The following ONECUT3 variants were observed in gnomAD, a reference collection of about 807,000 sequenced individuals.
The protein encoded by ONECUT3 is one cut domain family member 3.
Under a neutral mutation model 16.8 loss-of-function variants are expected in ONECUT3, and 11 were observed. The ratio of observed to expected loss-of-function variants is 0.66; its 90% CI spans 0.41 to 1.09. ONECUT3 has a LOEUF of 1.09. ONECUT3 is among the 50% of genes least tolerant of loss of function. ONECUT3 has a pLI of 0.00. For missense variants in ONECUT3, 637 were observed against 629.9 expected (o/e 1.01, Z -0.12); for synonymous variants, 344 against 310.7 (o/e 1.11, Z -1.13).
At chr19:1,774,264 G>A (rs1166214866) in intron 1 of ONECUT3, among the ~76,000 whole-genome samples, 1 of 152,062 alleles carries the variant, frequency 6.6e-6, no homozygotes, top group Non-Finnish European at 1.5e-5. Flanking sequence ...TTACAGGAGT[G>A]TCGCTGCTGC....
At chr19:1,769,673 GC>G (rs1314255286) in intron 1 of ONECUT3, among the ~76,000 whole-genome samples, 30 of 151,930 alleles carry the variant, frequency 2.0e-4, no homozygotes, top group Admixed American at 2.0e-3. Context: ...CATCCAGGCG[GC>G]CCCCCTACTC....
In ONECUT3 at chr19:1,777,394, G is replaced by C. The variant is rs533398185; in HGVS notation, c.*1949G>C. On this transcript the variant is annotated 3_prime_UTR_variant, in exon 2 of 2. Coordinates refer to ENST00000382349, the MANE Select transcript of ONECUT3 (RefSeq NM_001080488.2). ...CACACATGCAGAGACATGCAGACAC[G>C]CAGGCACACATGCACACATGCAAAG... 2.6e-5 allele frequency: 4 copies of C among 151,546 alleles called. No homozygotes were observed. Among genetic ancestry groups the C allele is most frequent in the Admixed American group, 1.3e-4 (2 of 15,198 alleles). The allele number at this position is 151,546 out of a possible 1,614,324, so 9.4% of individuals were successfully genotyped here.
rs1276818493 is a variant in ONECUT3 at position 1,778,008 on chromosome 19, A to AC, written c.*2563_*2564insC. The AC allele has an allele frequency of 2.0e-5, 3 of 151,634 alleles. No homozygotes were observed. Among genetic ancestry groups the AC allele is most frequent in the Non-Finnish European group, 4.4e-5 (3 of 67,924 alleles). 9.4% of individuals were successfully genotyped at this position (151,634 alleles called of 1,614,324 possible). A position where few individuals can be genotyped will look rare whatever the true frequency, so the allele number is the denominator to read the frequency against. On this transcript the variant is annotated 3_prime_UTR_variant, in exon 2 of 2. Transcript: ENST00000382349. ...AAAACTCCCTCTCAAAAAAAAAAAA[A>AC]AAAAAAAAAACTTTAGGTCCAAGAA...
chr19:1,754,382 G>A lies in ONECUT3; in HGVS notation c.720G>A (p.Leu240=), dbSNP rs1351710833. The change falls in exon 1 of 2, where the codon CTG becomes CTA. Residue 240 remains leucine, a synonymous_variant. Transcript: ENST00000382349. This position sits in a 1 kb window ranked among gnomAD's most constrained non-coding sequence, Gnocchi z 7.4. ...GCCACCTGGCTGGGGACAAGCTGCT[G>A]CCGCCCGCCGCCTTCGAGCCGCACG... ...PPGHLAGDKL[L]PPAAFEPHAA... is the part of the protein sequence containing the mutation. 9.1e-7 allele frequency: 1 copy of A among 1,100,764 alleles called. No individual in the cohort carries two copies. Among genetic ancestry groups the A allele is most frequent in the Admixed American group, 4.0e-5 (1 of 25,260 alleles). The allele number at this position is 1,100,764 out of a possible 1,614,324, so 68.2% of individuals were successfully genotyped here.
Position 1,778,912 on chromosome 19 carries a change from A to ACACACACACACACC in ONECUT3, c.*3468_*3469insACACACACACACCC, listed in dbSNP as rs1491103429. 1 of 129,534 alleles carries ACACACACACACACC rather than the reference A, an allele frequency of 7.7e-6. No homozygotes were observed. The highest frequency in any genetic ancestry group is 1.6e-5 in the Non-Finnish European group (1 of 60,828). 8.0% of individuals were successfully genotyped at this position (129,534 alleles called of 1,614,324 possible). A position where few individuals can be genotyped will look rare whatever the true frequency, so the allele number is the denominator to read the frequency against. ...CACACACACACACACACACACACAC[A>ACACACACACACACC]CCCCTACCTGTTTCCGGACCCCACC... On this transcript the variant is annotated 3_prime_UTR_variant, in exon 2 of 2. Coordinates refer to ENST00000382349, the MANE Select transcript of ONECUT3 (RefSeq NM_001080488.2).
chr19:1,758,430 C>T lies in ONECUT3; in HGVS notation c.1192+3576C>T, dbSNP rs2067929365. Among the ~76,000 whole-genome samples the T allele has an allele frequency of 2.6e-5, 4 of 151,960 alleles. No individual in the cohort carries two copies. The South Asian group carries it at 8.3e-4, about 32-fold the overall frequency. On this transcript the variant is annotated intron_variant, in intron 1 of 1. Coordinates refer to ENST00000382349, the MANE Select transcript of ONECUT3 (RefSeq NM_001080488.2). This position sits in a 1 kb window ranked among gnomAD's most constrained non-coding sequence, Gnocchi z 5.9. ...CCTCCTTCTTCCCCATGGGGTAGGACTTGGGAGAGGGGAATAGGTGTTTTC... is the reference window on the plus strand; with the variant it reads ...CCTCCTTCTTCCCCATGGGGTAGGATTTGGGAGAGGGGAATAGGTGTTTTC...
Position 1,754,275 on chromosome 19 carries a change from G to T in ONECUT3, c.613G>T (p.Ala205Ser). Residue 205 changes from alanine to serine, a missense_variant, in exon 1 of 2, where the codon GCG becomes TCG. Physicochemically the swap from Ala to Ser is moderately conservative, Grantham distance 99 (BLOSUM62 1). Coordinates refer to ENST00000382349, the MANE Select transcript of ONECUT3 (RefSeq NM_001080488.2). The surrounding 1 kb of genome is among the most constrained non-coding windows in gnomAD (Gnocchi z 7.4). ...GTCGCCGCTGTCGCCGCTGCCCAAC[G>T]CGCTGCCGCCCGCGCTGCACGGCGC... ...MGSPLSPLPN[A>S]LPPALHGAPQ... 3.8e-6 allele frequency: 4 copies of T among 1,060,142 alleles called. No homozygotes were observed. The highest frequency in any genetic ancestry group is 4.5e-6 in the Non-Finnish European group (4 of 882,080). The allele number at this position is 1,060,142 out of a possible 1,614,324, so 65.7% of individuals were successfully genotyped here.
At chr19:1,761,251 C>A (rs188535379) in intron 1 of ONECUT3, among the ~76,000 whole-genome samples, 1 of 152,200 alleles carries the variant, frequency 6.6e-6, no homozygotes, top group African/African-American at 2.4e-5. Context: ...CCGGGTTTCA[C>A]CACGTTGACC....
rs1600344895 is a variant in ONECUT3 at position 1,764,728 on chromosome 19, C to T, written c.1192+9874C>T. On this transcript the variant is annotated intron_variant, in intron 1 of 1. Transcript: ENST00000382349. This position sits in a 1 kb window ranked among gnomAD's most constrained non-coding sequence, Gnocchi z 5.0. ...AGACAGAGGGTGTAGGTATGTGACC[C>T]GGGCCCCCCACAGTAACTGGACATG... Among the ~76,000 whole-genome samples, 1 of 150,308 alleles carries T rather than the reference C, an allele frequency of 6.7e-6. No homozygotes were observed. The highest frequency in any genetic ancestry group is 2.5e-5 in the African/African-American group (1 of 40,430).
At position 1,778,910 on chromosome 19, in the gene ONECUT3, A is replaced by ACACACACACACACACC. The variant is rs1568606224; in HGVS notation, c.*3468_*3469insACACACACACACCCAC. ...CACACACACACACACACACACACAC[A>ACACACACACACACACC]CACCCCTACCTGTTTCCGGACCCCA... On this transcript the variant is annotated 3_prime_UTR_variant, in exon 2 of 2. Transcript: ENST00000382349. The ACACACACACACACACC allele has an allele frequency of 7.9e-6, 1 of 127,286 alleles. No individual in the cohort carries two copies. Among genetic ancestry groups the ACACACACACACACACC allele is most frequent in the African/African-American group, 3.1e-5 (1 of 32,600 alleles). The allele number at this position is 127,286 out of a possible 1,614,324, so 7.9% of individuals were successfully genotyped here.
In ONECUT3 at chr19:1,766,850, G is replaced by A. The variant is rs1244849868; in HGVS notation, c.1193-8303G>A. On this transcript the variant is annotated intron_variant, in intron 1 of 1. Transcript: ENST00000382349. This position sits in a 1 kb window ranked among gnomAD's most constrained non-coding sequence, Gnocchi z 4.0. The stretch of plus-strand genomic sequence containing the variant: ...CACCACCCTCGTGTAGGACAACCCA[G>A]GAACATGTTAGTCACTGCACACTCA... Among the ~76,000 whole-genome samples the A allele has an allele frequency of 6.6e-6, 1 of 152,082 alleles. No homozygotes were observed. Among genetic ancestry groups the A allele is most frequent in the African/African-American group, 2.4e-5 (1 of 41,378 alleles).
chr19:1,763,382 A>AAAT (rs2067957722), intron 1 of ONECUT3, among the ~76,000 whole-genome samples: 1 of 131,224 alleles, frequency 7.6e-6, no homozygotes, highest in Admixed American at 7.6e-5. Context: ...AAAAAAAAAA[A>AAAT]AAAAAAAAAA....
At chr19:1,763,734 T>TG (rs1377956758) in intron 1 of ONECUT3, among the ~76,000 whole-genome samples, 2 of 141,598 alleles carry the variant, frequency 1.4e-5, no homozygotes, top group East Asian at 3.9e-4. Flanking sequence ...CCTTTTTTGT[T>TG]TTTTTTTTTT....
At chr19:1,774,543 A>G (rs2068086666) in intron 1 of ONECUT3, among the ~76,000 whole-genome samples, 1 of 152,190 alleles carries the variant, frequency 6.6e-6, no homozygotes, top group Non-Finnish European at 1.5e-5. Flanking sequence ...CCAAGTCTAC[A>G]CTGAGCCAAA....
rs2068105491 is a variant in ONECUT3, at chr19:1,776,056, G to C, written c.*611G>C. 6.6e-6 allele frequency: 1 copy of C among 152,312 alleles called. No individual in the cohort carries two copies. Among genetic ancestry groups the C allele is most frequent in the Non-Finnish European group, 1.5e-5 (1 of 68,156 alleles). The allele number at this position is 152,312 out of a possible 1,614,324, so 9.4% of individuals were successfully genotyped here. Reference sequence around the variant, plus strand: ...CTGGCAGGACGGCCCCTGCGGCCGAGAACTGAGCTGCCCCTCTCTGCGGCC... The same window carrying C: ...CTGGCAGGACGGCCCCTGCGGCCGACAACTGAGCTGCCCCTCTCTGCGGCC... On this transcript the variant is annotated 3_prime_UTR_variant, in exon 2 of 2. Coordinates refer to ENST00000382349, the MANE Select transcript of ONECUT3 (RefSeq NM_001080488.2). The surrounding 1 kb of genome is among the most constrained non-coding windows in gnomAD (Gnocchi z 4.9).
At position 1,764,263 on chromosome 19, in the gene ONECUT3, A is replaced by G. The variant is rs984077975; in HGVS notation, c.1192+9409A>G. ...CCGAGGGTGAGAGGTGCCCCCTGACACCCCCATGCCCCCACCCCATGGCGG... is the reference window on the plus strand; with the variant it reads ...CCGAGGGTGAGAGGTGCCCCCTGACGCCCCCATGCCCCCACCCCATGGCGG... On this transcript the variant is annotated intron_variant, in intron 1 of 1. Coordinates refer to ENST00000382349, the MANE Select transcript of ONECUT3 (RefSeq NM_001080488.2). This position sits in a 1 kb window ranked among gnomAD's most constrained non-coding sequence, Gnocchi z 5.0. Among the ~76,000 whole-genome samples the G allele has an allele frequency of 6.6e-6, 1 of 151,416 alleles. No individual in the cohort carries two copies. The highest frequency in any genetic ancestry group is 2.4e-5 in the African/African-American group (1 of 41,218).
chr19:1,754,212 CT>C lies in ONECUT3; in HGVS notation c.551del (p.Leu184ProfsTer151). 1 of 1,146,270 alleles carries C rather than the reference CT, an allele frequency of 8.7e-7. No individual in the cohort carries two copies. Among genetic ancestry groups the C allele is most frequent in the East Asian group, 6.3e-5 (1 of 15,882 alleles). 71.0% of individuals were successfully genotyped at this position (1,146,270 alleles called of 1,614,324 possible). ...GGCGGCGCTCGCCTCCGTGGGCCAC[CT>C]CTACGGACCCTACGGCAAGGAGCTG... is the stretch of plus-strand genomic sequence containing the variant. ...ERAALASVGH[L>X]YGPYGKELPA... On this transcript the variant is annotated frameshift_variant, in exon 1 of 2. Transcript: ENST00000382349. LOFTEE classifies it high-confidence loss of function. This position sits in a 1 kb window ranked among gnomAD's most constrained non-coding sequence, Gnocchi z 7.4.
At chr19:1,765,145 T>G (rs1229846513) in intron 1 of ONECUT3, among the ~76,000 whole-genome samples, 1 of 152,066 alleles carries the variant, frequency 6.6e-6, no homozygotes, top group East Asian at 1.9e-4. Context: ...CGTCTTCTTC[T>G]CCCTTGGGCA....
rs746488856 is a variant in ONECUT3 at position 1,762,824 on chromosome 19, C to A, written c.1192+7970C>A. Among the ~76,000 whole-genome samples the A allele has an allele frequency of 6.6e-6, 1 of 152,190 alleles. No individual in the cohort carries two copies. The highest frequency in any genetic ancestry group is 2.4e-5 in the African/African-American group (1 of 41,448). ...TTGTCTGGCGCCCCAGAACCGCGGC[C>A]GTCCTGGGTGCGCTCAGCTCCAGCG... is the stretch of plus-strand genomic sequence containing the variant. On this transcript the variant is annotated intron_variant, in intron 1 of 1. Coordinates refer to ENST00000382349, the MANE Select transcript of ONECUT3 (RefSeq NM_001080488.2). This position sits in a 1 kb window ranked among gnomAD's most constrained non-coding sequence, Gnocchi z 4.4.
Sources: gnomAD v4.1 joint callset for allele counts (sites outside exome capture counted in the v4.1 genomes callset) on GRCh38, gnomAD v4.1.1 for gene constraint, Gnocchi (gnomAD v3.1) non-coding constraint, MANE v1.5 for transcripts, NCBI Gene and HGNC (gene_info 2026-07-23, HGNC 2026-07-21) for gene names.